Variants in EIF5B observed in about 807,000 individuals in gnomAD.
EIF5B encodes the protein eIF-5B.
Under a neutral mutation model 147.5 loss-of-function variants are expected in EIF5B, and 47 were observed. That is an observed-to-expected ratio of 0.32 (90% CI 0.25 to 0.41). The LOEUF is 0.41. EIF5B is among the 10% of genes least tolerant of loss of function. The pLI is 1.00. For synonymous variants in EIF5B, 455 were observed against 456.2 expected (o/e 1.00, Z 0.03); for missense variants, 1,064 against 1,413.2 (o/e 0.75, Z 3.96).
At chr2:99,365,735 G>C (rs1674312511) in intron 6 of EIF5B, among the ~76,000 whole-genome samples, 1 of 151,976 alleles carries the variant, frequency 6.6e-6, no homozygotes, top group Non-Finnish European at 1.5e-5. Context: ...TGGCATCCCT[G>C]ACGCTGGTCT....
At chr2:99,364,869 A>G (rs1280268432) in intron 6 of EIF5B, among the ~76,000 whole-genome samples, 2 of 136,802 alleles carry the variant, frequency 1.5e-5, no homozygotes. Flanking sequence ...GTGAAAAAGT[A>G]TTCATGACCA....
Position 99,400,490 on chromosome 2 carries a change from T to TTTTTA in EIF5B, c.*1082_*1086dup, listed in dbSNP as rs1223009552. The stretch of plus-strand genomic sequence containing the variant: ...TCCACTAGCATAGAATTTTAAACTA[T>TTTTTA]TTTTATTTTAAAGTTATGGCATAAC... On this transcript the variant is annotated 3_prime_UTR_variant, in exon 24 of 24. Transcript: ENST00000289371. 13 of 152,306 alleles carry TTTTTA rather than the reference T, an allele frequency of 8.5e-5. No individual in the cohort carries two copies. The South Asian group carries it at 2.7e-3, about 32-fold the overall frequency. 9.4% of individuals were successfully genotyped at this position (152,306 alleles called of 1,614,324 possible). A position where few individuals can be genotyped will look rare whatever the true frequency, so the allele number is the denominator to read the frequency against.
chr2:99,364,440 T>G lies in EIF5B; in HGVS notation c.1288+19T>G. 1 of 1,566,038 alleles carries G rather than the reference T, an allele frequency of 6.4e-7. No homozygotes were observed. The highest frequency in any genetic ancestry group is 2.2e-5 in the East Asian group (1 of 44,696). On this transcript the variant is annotated intron_variant, in intron 6 of 23. Coordinates refer to ENST00000289371, the MANE Select transcript of EIF5B (RefSeq NM_015904.4). ...GCTCAGGGTGAGTGGTACTCTTCAT[T>G]AACTGAATGGTCAGAGAGCTCTGCA...
rs539823384 is a variant in EIF5B at position 99,401,228 on chromosome 2, T to G, written c.*1814T>G. Reference sequence around the variant, plus strand: ...GCACAGCTATCAGAGAGCATCAGGCTCTCTGGTAATATTTATGTAACTTTT... The same window carrying G: ...GCACAGCTATCAGAGAGCATCAGGCGCTCTGGTAATATTTATGTAACTTTT... On this transcript the variant is annotated 3_prime_UTR_variant, in exon 24 of 24. Transcript: ENST00000289371. 6.6e-7 allele frequency: 1 copy of G among 1,522,650 alleles called. No individual in the cohort carries two copies. Among genetic ancestry groups the G allele is most frequent in the African/African-American group, 1.4e-5 (1 of 73,150 alleles). The allele number at this position is 1,522,650 out of a possible 1,614,324, so 94.3% of individuals were successfully genotyped here.
chr2:99,348,553 A>G (rs2094277942), intron 1 of EIF5B, among the ~76,000 whole-genome samples: 1 of 152,214 alleles, frequency 6.6e-6, no homozygotes, highest in African/African-American at 2.4e-5. Context: ...AGAAGGTGGG[A>G]CTGAATTTCC....
intron 10 of EIF5B, among the ~76,000 whole-genome samples, chr2:99,377,628 CAAAAT>C (rs1463877995): frequency 1.3e-5 from 2 of 152,028 alleles, no homozygotes; most frequent in Admixed American, 1.3e-4. Flanking sequence ...GATTAACAAA[CAAAAT>C]AAGTATAAAG....
chr2:99,349,719 TA>T (rs1486008221), intron 1 of EIF5B, among the ~76,000 whole-genome samples: 2 of 152,198 alleles, frequency 1.3e-5, no homozygotes, highest in Non-Finnish European at 2.9e-5. Context: ...TACAATGTGA[TA>T]TTTTGGTATC....
chr2:99,340,751 C>G (rs2094257531), intron 1 of EIF5B: 1 of 151,618 alleles, frequency 6.6e-6, no homozygotes, highest in South Asian at 2.1e-4. Context: ...TTCTAGAATT[C>G]TGTTCCAGTT....
At chr2:99,399,269 A>G (rs369035325) in intron 23 of EIF5B, 38 bp from the exon 24 acceptor site, 98 of 1,593,614 alleles carry the variant, frequency 6.1e-5, no homozygotes, top group Non-Finnish European at 8.1e-5. Context: ...CACGTTTGTT[A>G]TGTTCTGTTT....
chr2:99,381,558 TA>T (rs1674690874), intron 12 of EIF5B, among the ~76,000 whole-genome samples: 3 of 144,654 alleles, frequency 2.1e-5, no homozygotes, highest in Admixed American at 2.1e-4. Context: ...TGTGTGAAAT[TA>T]GTTGGTCAGT....
At chr2:99,370,718 G>A (rs911163658) in intron 8 of EIF5B, among the ~76,000 whole-genome samples, 7 of 152,114 alleles carry the variant, frequency 4.6e-5, no homozygotes, top group Admixed American at 2.0e-4. Context: ...TGTCCTACCC[G>A]TCATCTTACT....
chr2:99,338,967 T>TATATATACACACATATATATAA (rs2094251743), intron 1 of EIF5B, among the ~76,000 whole-genome samples: 1 of 55,552 alleles, frequency 1.8e-5, no homozygotes, highest in Non-Finnish European at 4.9e-5. Context: ...TATATATAAA[T>TATATATACACACATATATATAA]ATATATATAT....
At chr2:99,343,363 GT>G (rs1225780649) in intron 1 of EIF5B, among the ~76,000 whole-genome samples, 3 of 151,174 alleles carry the variant, frequency 2.0e-5, no homozygotes, top group Non-Finnish European at 4.4e-5. Flanking sequence ...TCTGTAGTTT[GT>G]TTTTTCCACT....
At chr2:99,394,447 T>C in intron 19 of EIF5B, 49 bp downstream of exon 19, 1 of 1,613,414 alleles carries the variant, frequency 6.2e-7, no homozygotes, top group South Asian at 1.1e-5. Context: ...TGGTCGTGGT[T>C]TTTGGTGCCA....
chr2:99,353,161 C>T (rs1674016327), intron 1 of EIF5B, among the ~76,000 whole-genome samples: 1 of 151,898 alleles, frequency 6.6e-6, no homozygotes. Context: ...ACTACAGGCA[C>T]ACACCACTAC....
chr2:99,399,316 C>G lies in EIF5B; in HGVS notation c.3565C>G (p.Gln1189Glu). The G allele has an allele frequency of 1.2e-6, 2 of 1,614,040 alleles. No individual in the cohort carries two copies. The highest frequency in any genetic ancestry group is 2.2e-5 in the East Asian group (1 of 44,888). The change falls in exon 24 of 24, where the codon CAG (glutamine) becomes GAG (glutamate). Residue 1189 changes from glutamine to glutamate, a missense_variant. This residue lies in a region of EIF5B where 380 missense variants were observed against 715.6 expected (regional missense o/e 0.53). Transcript: ENST00000289371. ...TDILVSKISRQSIDALKDWFR... is the reference protein window; with the variant it reads ...TDILVSKISRESIDALKDWFR... Reference sequence around the variant, plus strand: ...GCCTCGGGCATTGCAGATCAGCCGGCAGTCCATTGATGCACTCAAAGACTG... The same window carrying G: ...GCCTCGGGCATTGCAGATCAGCCGGGAGTCCATTGATGCACTCAAAGACTG...
intron 15 of EIF5B, 91 bp downstream of exon 15, chr2:99,389,940 G>A (rs1197079928): frequency 6.9e-7 from 1 of 1,452,660 alleles, no homozygotes; most frequent in East Asian, 2.3e-5. Context: ...ATTAATACTG[G>A]TTCTTTTCCT....
chr2:99,379,192 A>T, intron 11 of EIF5B, 66 bp downstream of exon 11: 1 of 1,446,056 alleles, frequency 6.9e-7, no homozygotes, highest in South Asian at 1.3e-5. Flanking sequence ...ATAAAAAAAA[A>T]CTTTAGAGAC....
intron 8 of EIF5B, 68 bp downstream of exon 8, chr2:99,369,549 G>T (rs1235372556): frequency 1.5e-6 from 2 of 1,317,882 alleles, no homozygotes; most frequent in Non-Finnish European, 2.1e-6. Context: ...GTCATAAGTT[G>T]TCTTAGTTAT....
Sources: allele counts gnomAD v4.1 joint callset (sites outside exome capture counted in the v4.1 genomes callset), GRCh38; gene constraint gnomAD v4.1.1; regional missense constraint gnomAD v4.1.1; transcripts MANE v1.5; gene names NCBI Gene and HGNC (gene_info 2026-07-23, HGNC 2026-07-21).